Variants in COL14A1 observed in about 807,000 individuals in gnomAD.
COL14A1 encodes the protein collagen alpha-1(XIV) chain.
COL14A1 carries 136 observed loss-of-function variants against 230.3 expected under a neutral mutation model. The ratio of observed to expected loss-of-function variants is 0.59; its 90% CI spans 0.51 to 0.68. The LOEUF is 0.68. COL14A1 is among the 30% of genes least tolerant of loss of function. COL14A1 has a pLI of 0.00. For synonymous variants in COL14A1, 792 were observed against 784.1 expected, an observed-to-expected ratio of 1.01 and a Z score of -0.17; for missense variants, 1,976 against 2,215.8, an observed-to-expected ratio of 0.89 and a Z score of 2.17.
At chr8:120,161,588 G>A (rs1397434568) in intron 3 of COL14A1, among the ~76,000 whole-genome samples, 1 of 152,154 alleles carries the variant, frequency 6.6e-6, no homozygotes, top group East Asian at 1.9e-4. Context: ...TTTCAAGGAT[G>A]CTTTGACTCA....
intron 3 of COL14A1, among the ~76,000 whole-genome samples, chr8:120,160,066 C>T (rs1815611618): frequency 6.6e-6 from 1 of 152,112 alleles, no homozygotes; most frequent in African/African-American, 2.4e-5. Flanking sequence ...ACCAGATGTC[C>T]ACTTTTCCCA....
At chr8:120,334,585 A>AACACAC (rs3054171) in intron 42 of COL14A1, among the ~76,000 whole-genome samples, 37,413 of 144,600 alleles carry the variant, frequency 0.26, 5,392 homozygotes, top group East Asian at 0.41. Flanking sequence ...CACACACAAA[A>AACACAC]ACACACACAC....
At position 120,254,046 on chromosome 8, in the gene COL14A1, A is replaced by G. The variant is rs1586807176; in HGVS notation, c.2753-1194A>G. Among the ~76,000 whole-genome samples, 4 of 152,364 alleles carry G rather than the reference A, an allele frequency of 2.6e-5. 1 individual carries two copies. The highest frequency in any genetic ancestry group is 2.6e-4 in the Admixed American group (4 of 15,298). Reference sequence around the variant, plus strand: ...AGTCTTCTTTCTTTGCTGTAACAGAAAGGAACAGTGTAAATGTATAAATTA... The same window carrying G: ...AGTCTTCTTTCTTTGCTGTAACAGAGAGGAACAGTGTAAATGTATAAATTA... On this transcript the variant is annotated intron_variant, in intron 22 of 47. Coordinates refer to ENST00000297848, the MANE Select transcript of COL14A1 (RefSeq NM_021110.4).
intron 2 of COL14A1, among the ~76,000 whole-genome samples, chr8:120,155,244 G>A (rs752435384): frequency 6.6e-6 from 1 of 152,196 alleles, no homozygotes; most frequent in Non-Finnish European, 1.5e-5. Context: ...TAATGAAAGA[G>A]TAGAGTATTG....
At chr8:120,332,786 A>T in intron 42 of COL14A1, 51 bp downstream of exon 42, 2 of 1,437,332 alleles carry the variant, frequency 1.4e-6, no homozygotes, top group Admixed American at 3.7e-5. Flanking sequence ...CATCACGTTT[A>T]TTTATGTGTT....
chr8:120,295,566 T>C (rs1372387152), intron 34 of COL14A1, among the ~76,000 whole-genome samples: 1 of 151,910 alleles, frequency 6.6e-6, no homozygotes, highest in African/African-American at 2.4e-5. Context: ...ATTTCATAGA[T>C]ATTATTATTG....
chr8:120,137,601 TTATCTC>T (rs1814756597), intron 1 of COL14A1, among the ~76,000 whole-genome samples: 1 of 152,108 alleles, frequency 6.6e-6, no homozygotes, highest in African/African-American at 2.4e-5. Context: ...ACCTATAAGT[TTATCTC>T]TAATTCTTTA....
In COL14A1 at chr8:120,332,126, G is replaced by A; in HGVS notation, c.4660-15G>A. 1 of 1,613,934 alleles carries A rather than the reference G, an allele frequency of 6.2e-7. No homozygotes were observed. The highest frequency in any genetic ancestry group is 8.5e-7 in the Non-Finnish European group (1 of 1,179,818). On this transcript the variant is annotated splice_polypyrimidine_tract_variant and intron_variant, in intron 40 of 47. Coordinates refer to ENST00000297848, the MANE Select transcript of COL14A1 (RefSeq NM_021110.4). ...AAGCAACCACTTGCTGACATGCTGT[G>A]TTTCTTTTCGCCAGGGCCTTCCGGG...
chr8:120,227,085 C>G, intron 16 of COL14A1, 135 bp from the exon 17 acceptor site: 1 of 940,488 alleles, frequency 1.1e-6, no homozygotes, highest in Non-Finnish European at 1.5e-6. Context: ...AAGTCTCTGG[C>G]TTGACCTTAA....
In COL14A1 at chr8:120,285,925, C is replaced by T. The variant is rs142096423; in HGVS notation, c.4032C>T (p.Phe1344=). The T allele has an allele frequency of 1.9e-4, 302 of 1,611,492 alleles. No homozygotes were observed. The highest frequency in any genetic ancestry group is 2.2e-4 in the Non-Finnish European group (262 of 1,177,918). The stretch of plus-strand genomic sequence containing the variant: ...GTGGGGATTTTCAAACTGTTACTTT[C>T]GAAGGACCTGAAATTAGGAAAATTT... ...DQSGDFQTVT[F]EGPEIRKIFY... The change falls in exon 33 of 48, where the codon TTC becomes TTT. Residue 1344 remains phenylalanine, a synonymous_variant. Coordinates refer to ENST00000297848, the MANE Select transcript of COL14A1 (RefSeq NM_021110.4).
chr8:120,223,624 C>T (rs1252475441), intron 14 of COL14A1, among the ~76,000 whole-genome samples: 6 of 152,072 alleles, frequency 3.9e-5, no homozygotes, highest in Admixed American at 6.5e-5. Flanking sequence ...GAGCCAAGAT[C>T]GTGGCACTGC....
chr8:120,353,812 C>T (rs927468975), intron 45 of COL14A1, among the ~76,000 whole-genome samples: 5 of 151,848 alleles, frequency 3.3e-5, no homozygotes, highest in Non-Finnish European at 7.3e-5. Flanking sequence ...ACTAGTTCAA[C>T]CATTGTGGAA....
chr8:120,366,173 T>G (rs908536699), intron 45 of COL14A1, among the ~76,000 whole-genome samples: 1 of 152,270 alleles, frequency 6.6e-6, no homozygotes, highest in Non-Finnish European at 1.5e-5. Flanking sequence ...ACATCTAATT[T>G]GTTGACAGTG....
intron 4 of COL14A1, among the ~76,000 whole-genome samples, chr8:120,167,079 T>C (rs763621734): frequency 1.3e-5 from 2 of 151,982 alleles, no homozygotes; most frequent in Non-Finnish European, 2.9e-5. Context: ...TTTTGTTTTA[T>C]ATCCTGGAAT....
chr8:120,283,851 T>A, intron 32 of COL14A1, 73 bp downstream of exon 32: 1 of 1,271,822 alleles, frequency 7.9e-7, no homozygotes, highest in Non-Finnish European at 1.1e-6. Context: ...ATTTTGCCTG[T>A]TTGTGTATAT....
rs1410062356 is a variant in COL14A1, at chr8:120,208,453, A to G, written c.1321+92A>G. ...GAAATTCTGCTCAGGTCATGTTGATAGACATCCTGAATCGAATTCAATCAA... is the reference window on the plus strand; with the variant it reads ...GAAATTCTGCTCAGGTCATGTTGATGGACATCCTGAATCGAATTCAATCAA... On this transcript the variant is annotated intron_variant, in intron 11 of 47. Transcript: ENST00000297848. 4 of 1,362,900 alleles carry G rather than the reference A, an allele frequency of 2.9e-6. No homozygotes were observed. The African/African-American group carries it at 5.7e-5, about 20-fold the overall frequency. 84.4% of individuals were successfully genotyped at this position (1,362,900 alleles called of 1,614,324 possible).
intron 37 of COL14A1, among the ~76,000 whole-genome samples, chr8:120,311,264 G>A (rs1821028178): frequency 6.6e-6 from 1 of 152,144 alleles, no homozygotes; most frequent in East Asian, 1.9e-4. Context: ...TCTCAAGCAA[G>A]GGTGCACTGG....
intron 1 of COL14A1, among the ~76,000 whole-genome samples, chr8:120,131,194 C>T (rs1418197146): frequency 2.0e-5 from 3 of 152,096 alleles, no homozygotes; most frequent in African/African-American, 7.2e-5. Flanking sequence ...GTGCATGTGT[C>T]TTTTTGGTAG....
rs1819928672 is a variant in COL14A1, at chr8:120,278,552, A to G, written c.3455A>G (p.Lys1152Arg). The G allele has an allele frequency of 6.2e-7, 1 of 1,612,934 alleles. No individual in the cohort carries two copies. The highest frequency in any genetic ancestry group is 8.5e-7 in the Non-Finnish European group (1 of 1,179,344). ...TDGRSQDDVNKISREMQLDGY... is the reference protein window; with the variant it reads ...TDGRSQDDVNRISREMQLDGY... ...GGAAGATCACAAGATGATGTGAACAAAATCTCCAGGGAGATGCAATTAGAT... is the reference window on the plus strand; with the variant it reads ...GGAAGATCACAAGATGATGTGAACAGAATCTCCAGGGAGATGCAATTAGAT... Residue 1152 changes from lysine (K) to arginine (R), a missense_variant, in exon 28 of 48, where the codon AAA (lysine) becomes AGA (arginine). Around this residue, in one of 3 missense-constraint regions of COL14A1, gnomAD observed 1,791 missense variants for 2,019.5 expected, o/e 0.89. Transcript: ENST00000297848.
Sources: allele counts gnomAD v4.1 joint callset (sites outside exome capture counted in the v4.1 genomes callset), GRCh38; gene constraint gnomAD v4.1.1; regional missense constraint gnomAD v4.1.1; transcripts MANE v1.5; gene names NCBI Gene and HGNC (gene_info 2026-07-23, HGNC 2026-07-21).